FANCE: variants seen among roughly 807,000 people sequenced by gnomAD.
FANCE encodes the protein Fanconi anemia group E protein.
FANCE carries 42 observed loss-of-function variants against 57.8 expected under a neutral mutation model. The ratio of observed to expected loss-of-function variants is 0.73; its 90% CI spans 0.57 to 0.94. The LOEUF (loss-of-function observed/expected upper bound fraction) is 0.94. FANCE is among the 40% of genes least tolerant of loss of function. FANCE has a pLI of 0.00. For missense variants in FANCE, 608 were observed against 661.8 expected, an observed-to-expected ratio of 0.92 and a Z score of 0.89; for synonymous variants, 251 against 286.4, an observed-to-expected ratio of 0.88 and a Z score of 1.25.
At position 35,455,816 on chromosome 6, in the gene FANCE, G is replaced by T. The variant is rs1767303929; in HGVS notation, c.318G>T (p.Arg106=). The T allele has an allele frequency of 6.2e-7, 1 of 1,614,080 alleles. No homozygotes were observed. ...TGATGTCCCTGCTGATGGCCGTTCG[G>T]CCATCGCTGCCGGAAAGTGGGCTCC... ...RNLMSLLMAV[R]PSLPESGLLS... is the part of the protein sequence containing the mutation. The change falls in exon 2 of 10, where the codon CGG becomes CGT. Residue 106 remains arginine (R), a synonymous_variant. Coordinates refer to ENST00000229769, the MANE Select transcript of FANCE (RefSeq NM_021922.3).
At chr6:35,454,072 G>T (rs918274124) in intron 1 of FANCE, among the ~76,000 whole-genome samples, 26 of 145,226 alleles carry the variant, frequency 1.8e-4, no homozygotes, top group African/African-American at 2.5e-4. Context: ...TGTTTGTTTT[G>T]TTTTTTTTTT....
At chr6:35,453,530 AAC>A (rs369942991) in intron 1 of FANCE, among the ~76,000 whole-genome samples, 3 of 152,134 alleles carry the variant, frequency 2.0e-5, no homozygotes, top group African/African-American at 4.8e-5. Flanking sequence ...AGTTAACTAA[AAC>A]ACACAGAAAA....
chr6:35,458,136 C>A, intron 4 of FANCE, 152 bp downstream of exon 4: 1 of 1,233,418 alleles, frequency 8.1e-7, no homozygotes, highest in Non-Finnish European at 1.2e-6. Context: ...TGTGTAGTAT[C>A]TTTTAGCCCT....
intron 1 of FANCE, among the ~76,000 whole-genome samples, chr6:35,453,608 CTCCCCCAT>C (rs1200682333): frequency 6.6e-6 from 1 of 152,198 alleles, no homozygotes; most frequent in Non-Finnish European, 1.5e-5. Flanking sequence ...TTGGATACCC[CTCCCCCAT>C]AATTTATGCT....
Position 35,452,393 on chromosome 6 carries a change from C to A in FANCE, c.-153C>A. 1.2e-6 allele frequency: 1 copy of A among 845,226 alleles called. No homozygotes were observed. The highest frequency in any genetic ancestry group is 1.5e-6 in the Non-Finnish European group (1 of 645,524). 52.4% of individuals were successfully genotyped at this position (845,226 alleles called of 1,614,324 possible). A position where few individuals can be genotyped will look rare whatever the true frequency, so the allele number is the denominator to read the frequency against. ...GCGGCTTCGGGCGGCCGGGTTTCTC[C>A]GGTCTCCCAACGCCGAGGAGAGCTT... On this transcript the variant is annotated 5_prime_UTR_variant, in exon 1 of 10. Transcript: ENST00000229769.
intron 9 of FANCE, among the ~76,000 whole-genome samples, chr6:35,463,652 G>C (rs1045340286): frequency 6.6e-6 from 1 of 151,022 alleles, no homozygotes; most frequent in African/African-American, 2.5e-5. Context: ...GAATTGGGAC[G>C]GGCTTCCTGA....
Position 35,457,940 on chromosome 6 carries a change from C to T in FANCE, c.925C>T (p.Pro309Ser). The change falls in exon 4 of 10, where the codon CCC (proline) becomes TCC (serine). Residue 309 changes from proline to serine, a missense_variant. Pro to Ser is a moderately conservative substitution (Grantham distance 74). Transcript: ENST00000229769. Reference sequence around the variant, plus strand: ...GGGGTTAGAGGGATTGGAGGATGCCCCCCCAGTTGAGCTACAGCTTCTTCA... The same window carrying T: ...GGGGTTAGAGGGATTGGAGGATGCCTCCCCAGTTGAGCTACAGCTTCTTCA... ...EEGLEGLEDA[P>S]PVELQLLHEC... 6.2e-7 allele frequency: 1 copy of T among 1,614,138 alleles called. No homozygotes were observed. Among genetic ancestry groups the T allele is most frequent in the Non-Finnish European group, 8.5e-7 (1 of 1,180,006 alleles).
intron 5 of FANCE, among the ~76,000 whole-genome samples, 155 bp downstream of exon 5, chr6:35,458,595 G>A (rs1222198432): frequency 6.6e-6 from 1 of 151,934 alleles, no homozygotes; most frequent in Non-Finnish European, 1.5e-5. Flanking sequence ...CTGCTTAACT[G>A]GCAGGGCATG....
rs1484178405 is a variant in FANCE at position 35,462,810 on chromosome 6, T to C, written c.1405T>C (p.Phe469Leu). 6.2e-7 allele frequency: 1 copy of C among 1,614,140 alleles called. No homozygotes were observed. Among genetic ancestry groups the C allele is most frequent in the East Asian group, 2.2e-5 (1 of 44,872 alleles). Reference protein sequence around the residue: ...ERQVEMTPEKFSVLMEKLCKK... With the variant: ...ERQVEMTPEKLSVLMEKLCKK... ...GCAGGTGGAGATGACCCCTGAGAAGTTCAGTGTCTTAATGGAGAAGCTCTG... is the reference window on the plus strand; with the variant it reads ...GCAGGTGGAGATGACCCCTGAGAAGCTCAGTGTCTTAATGGAGAAGCTCTG... Residue 469 changes from phenylalanine to leucine, a missense_variant, in exon 9 of 10, where the codon TTC becomes CTC. Transcript: ENST00000229769.
At chr6:35,459,493 C>G (rs1188890245) in intron 6 of FANCE, 39 bp downstream of exon 6, 2 of 1,613,254 alleles carry the variant, frequency 1.2e-6, no homozygotes, top group Non-Finnish European at 1.7e-6. Context: ...TAGCTCTGCC[C>G]TCAGTGTTCT....
At position 35,458,421 on chromosome 6, in the gene FANCE, GA is replaced by G. The variant is rs1272613429; in HGVS notation, c.1096del (p.Ser366AlafsTer10). 3 of 1,614,164 alleles carry G rather than the reference GA, an allele frequency of 1.9e-6. No homozygotes were observed. Among genetic ancestry groups the G allele is most frequent in the Non-Finnish European group, 2.5e-6 (3 of 1,180,026 alleles). On this transcript the variant is annotated frameshift_variant, in exon 5 of 10. Transcript: ENST00000229769. LOFTEE classifies it high-confidence loss of function. Reference protein sequence around the residue: ...LSLSNATVLTRSLFLGRILSL... With the variant: ...LSLSNATVLTXSLFLGRILSL... Reference sequence around the variant, plus strand: ...CTCAGCAATGCTACTGTGCTGACCAGAAGCCTCTTTCTTGGACGGGTAGGTG... The same window carrying G: ...CTCAGCAATGCTACTGTGCTGACCAGAGCCTCTTTCTTGGACGGGTAGGTG...
At chr6:35,466,195 G>C (rs781376645) in intron 9 of FANCE, 49 bp from the exon 10 acceptor site, 38 of 1,203,548 alleles carry the variant, frequency 3.2e-5, no homozygotes, top group Non-Finnish European at 4.5e-5. Flanking sequence ...GTCGGGAGAC[G>C]GGAGGGATCA....
In FANCE at chr6:35,457,911, C is replaced by A. The variant is rs747168225; in HGVS notation, c.901-5C>A. The A allele has an allele frequency of 3.1e-6, 5 of 1,613,748 alleles. No individual in the cohort carries two copies. The South Asian group carries it at 4.4e-5, about 14-fold the overall frequency. ...CCAGCCCTAACATGAGATTTGTCTCCCCAGGGGTTAGAGGGATTGGAGGAT... is the reference window on the plus strand; with the variant it reads ...CCAGCCCTAACATGAGATTTGTCTCACCAGGGGTTAGAGGGATTGGAGGAT... On this transcript the variant is annotated splice_region_variant and splice_polypyrimidine_tract_variant and intron_variant, in intron 3 of 9. Transcript: ENST00000229769.
At chr6:35,465,264 C>T (rs558850592) in intron 9 of FANCE, among the ~76,000 whole-genome samples, 1 of 152,158 alleles carries the variant, frequency 6.6e-6, no homozygotes, top group South Asian at 2.1e-4. Flanking sequence ...ACCTCCGCCT[C>T]CTGGGTTCAA....
chr6:35,462,931 C>T lies in FANCE; in HGVS notation c.1509+17C>T, dbSNP rs748424208. ...CAGGCTAACGTGAGTATTGATAGGGCCTTGGGGCTGGTCCTGCTGGCAGGG... is the reference window on the plus strand; with the variant it reads ...CAGGCTAACGTGAGTATTGATAGGGTCTTGGGGCTGGTCCTGCTGGCAGGG... On this transcript the variant is annotated intron_variant, in intron 9 of 9. Coordinates refer to ENST00000229769, the MANE Select transcript of FANCE (RefSeq NM_021922.3). 28 of 1,613,982 alleles carry T rather than the reference C, an allele frequency of 1.7e-5. No individual in the cohort carries two copies. Among genetic ancestry groups the T allele is most frequent in the Non-Finnish European group, 2.4e-5 (28 of 1,179,922 alleles).
intron 8 of FANCE, among the ~76,000 whole-genome samples, chr6:35,461,977 C>G (rs1269851917): frequency 1.3e-5 from 2 of 151,460 alleles, no homozygotes; most frequent in African/African-American, 2.4e-5. Context: ...CTGTGGTTTC[C>G]TCATCTACAA....
At position 35,459,425 on chromosome 6, in the gene FANCE, T is replaced by C. The variant is rs1475519920; in HGVS notation, c.1208T>C (p.Leu403Pro). 6.2e-7 allele frequency: 1 copy of C among 1,614,164 alleles called. No individual in the cohort carries two copies. ...KYTYPVCSAL[L>P]DPVLQAPGTG... Reference sequence around the variant, plus strand: ...ACATACCCTGTCTGCAGCGCCCTCCTTGACCCTGTGCTCCAGGCCCCAGGC... The same window carrying C: ...ACATACCCTGTCTGCAGCGCCCTCCCTGACCCTGTGCTCCAGGCCCCAGGC... The change falls in exon 6 of 10, where the codon CTT (leucine) becomes CCT (proline). Residue 403 changes from leucine (L) to proline (P), a missense_variant. Leu to Pro is a moderately conservative substitution (Grantham distance 98, BLOSUM62 -3). Coordinates refer to ENST00000229769, the MANE Select transcript of FANCE (RefSeq NM_021922.3).
Position 35,466,576 on chromosome 6 carries a change from T to C in FANCE, c.*231T>C, listed in dbSNP as rs1413030145. ...GCTATATTTTCTTTTTCATTTCTTT[T>C]GTTTTTGAGAGAAGGTATTGCTCTG... On this transcript the variant is annotated 3_prime_UTR_variant, in exon 10 of 10. Coordinates refer to ENST00000229769, the MANE Select transcript of FANCE (RefSeq NM_021922.3). 5.7e-6 allele frequency: 3 copies of C among 529,594 alleles called. No individual in the cohort carries two copies. The highest frequency in any genetic ancestry group is 1.0e-5 in the Non-Finnish European group (3 of 292,776). The allele number at this position is 529,594 out of a possible 1,614,324, so 32.8% of individuals were successfully genotyped here.
rs1353662167 is a variant in FANCE, at chr6:35,466,190, G to A, written c.1510-54G>A. On this transcript the variant is annotated intron_variant, in intron 9 of 9. Coordinates refer to ENST00000229769, the MANE Select transcript of FANCE (RefSeq NM_021922.3). ...TCAATAGAGCCCCTGGGGTAGTCGG[G>A]AGACGGGAGGGATCAGTTGCTGGAG... 1.5e-5 allele frequency: 17 copies of A among 1,158,450 alleles called. No homozygotes were observed. The Admixed American group carries it at 1.7e-4, about 11-fold the overall frequency. The allele number at this position is 1,158,450 out of a possible 1,614,324, so 71.8% of individuals were successfully genotyped here. A position where few individuals can be genotyped will look rare whatever the true frequency, so the allele number is the denominator to read the frequency against.
Sources: allele counts gnomAD v4.1 joint callset (sites outside exome capture counted in the v4.1 genomes callset), GRCh38; gene constraint gnomAD v4.1.1; transcripts MANE v1.5; gene names NCBI Gene and HGNC (gene_info 2026-07-23, HGNC 2026-07-21).